KAZN: variants seen among roughly 807,000 people sequenced by gnomAD.
KAZN encodes the protein kazrin, periplakin interacting protein, also known as kazrin.
Under a neutral mutation model 87.4 loss-of-function variants are expected in KAZN, and 40 were observed. The observed-to-expected ratio is 0.46, with a 90% confidence interval of 0.36 to 0.60. KAZN has a LOEUF of 0.60. KAZN is among the 20% of genes least tolerant of loss of function. The pLI, the probability that KAZN is intolerant of heterozygous loss-of-function variation, is 0.00. For missense variants in KAZN, 898 were observed against 1,073.9 expected, an observed-to-expected ratio of 0.84 and a Z score of 2.29; for synonymous variants, 466 against 458.3, an observed-to-expected ratio of 1.02 and a Z score of -0.22.
intron 2 of KAZN, among the ~76,000 whole-genome samples, chr1:14,223,583 AT>A (rs1647160477): frequency 6.6e-6 from 1 of 152,032 alleles, no homozygotes; most frequent in African/African-American, 2.4e-5. Flanking sequence ...CTTCTTCCTT[AT>A]GTTCTTTAGT....
chr1:14,116,253 T>G (rs1644615002), intron 1 of KAZN, among the ~76,000 whole-genome samples: 2 of 152,118 alleles, frequency 1.3e-5, no homozygotes, highest in Non-Finnish European at 2.9e-5. Context: ...TTCAAGGCAG[T>G]CTCTCCCATC....
chr1:14,164,714 A>T (rs1429718641), intron 1 of KAZN, among the ~76,000 whole-genome samples: 14 of 151,758 alleles, frequency 9.2e-5, no homozygotes, highest in Non-Finnish European at 1.5e-5. Flanking sequence ...CTCATTTTGT[A>T]CTTTTAGTAC....
intron 2 of KAZN, among the ~76,000 whole-genome samples, chr1:14,370,919 A>G (rs374989416): frequency 2.7e-4 from 41 of 152,260 alleles, no homozygotes; most frequent in African/African-American, 9.1e-4. Flanking sequence ...TCCTGGGCTC[A>G]AGCAATCCAC....
At chr1:14,912,445 G>T (rs1264838342) in intron 1 of KAZN, among the ~76,000 whole-genome samples, 1 of 152,154 alleles carries the variant, frequency 6.6e-6, no homozygotes, top group African/African-American at 2.4e-5. Context: ...GAGAGGATAC[G>T]CTGTCACCAT....
intron 1 of KAZN, among the ~76,000 whole-genome samples, chr1:14,766,864 C>G (rs560854491): frequency 1.3e-5 from 2 of 152,062 alleles, no homozygotes; most frequent in East Asian, 1.9e-4. Context: ...CTCTCCCATG[C>G]GTTCACATAC....
At chr1:14,513,157 A>G (rs777338969) in intron 2 of KAZN, among the ~76,000 whole-genome samples, 3 of 152,118 alleles carry the variant, frequency 2.0e-5, no homozygotes, top group South Asian at 2.1e-4. Context: ...TTTCCTTAGA[A>G]TCATGTCCAA....
intron 2 of KAZN, among the ~76,000 whole-genome samples, chr1:14,449,582 G>A (rs950087181): frequency 2.6e-5 from 4 of 152,194 alleles, no homozygotes; most frequent in African/African-American, 9.7e-5. Context: ...AATTTTTCGG[G>A]AGGAGAGAGT....
At chr1:14,613,232 G>T (rs1402982209) in intron 1 of KAZN, among the ~76,000 whole-genome samples, 2 of 152,170 alleles carry the variant, frequency 1.3e-5, no homozygotes, top group African/African-American at 2.4e-5. Context: ...CAAAGGGAAG[G>T]GTACAGACTG....
chr1:14,962,398 G>A (rs1157164863), intron 2 of KAZN, among the ~76,000 whole-genome samples: 1 of 152,200 alleles, frequency 6.6e-6, no homozygotes, highest in African/African-American at 2.4e-5. Flanking sequence ...ACATTGGGGT[G>A]CATTGTGGCC....
In KAZN at chr1:14,871,649, A is replaced by AGTGTGTGTGTGTGTGT. The variant is rs3033520; in HGVS notation, c.227-89017_227-89002dup. Among the ~76,000 whole-genome samples the AGTGTGTGTGTGTGTGT allele has an allele frequency of 1.6e-3, 225 of 144,648 alleles. 1 individual carries two copies. Among genetic ancestry groups the AGTGTGTGTGTGTGTGT allele is most frequent in the East Asian group, 7.1e-3 (33 of 4,672 alleles). 94.9% of individuals were successfully genotyped at this position (144,648 alleles called of 152,430 possible). On this transcript the variant is annotated intron_variant, in intron 1 of 14. Transcript: ENST00000376030. ...AGCCTGAGACATCTACATGAGCAGC[A>AGTGTGTGTGTGTGTGT]GTGTGTGTGTGTGTGTGTGTGTGTG...
Position 14,121,506 on chromosome 1 carries a change from A to G in KAZN, c.92-58929A>G, listed in dbSNP as rs187214561. On this transcript the variant is annotated intron_variant, in intron 1 of 16. Transcript: ENST00000636203. The stretch of plus-strand genomic sequence containing the variant: ...TTGGAAGAACCCAGATTCAAATGCA[A>G]GCAATCTGGATCATGAATCCAAGCT... Among the ~76,000 whole-genome samples, 21 of 152,322 alleles carry G rather than the reference A, an allele frequency of 1.4e-4. No homozygotes were observed. The South Asian group carries it at 2.7e-3, about 20-fold the overall frequency.
chr1:14,888,116 G>C (rs931343390), intron 1 of KAZN, among the ~76,000 whole-genome samples: 1 of 152,082 alleles, frequency 6.6e-6, no homozygotes, highest in African/African-American at 2.4e-5. Context: ...TCAAGCAATC[G>C]GGACATTCCT....
intron 2 of KAZN, among the ~76,000 whole-genome samples, chr1:14,330,704 A>T (rs16853966): frequency 0.03 from 4,598 of 152,188 alleles, 251 homozygotes; most frequent in African/African-American, 0.11. Flanking sequence ...GTCATCACGG[A>T]CTTTCAGAAG....
intron 1 of KAZN, among the ~76,000 whole-genome samples, chr1:14,845,023 G>A (rs114359202): frequency 0.011 from 1,691 of 152,108 alleles, 36 homozygotes; most frequent in African/African-American, 0.039. Flanking sequence ...TAGATGGATG[G>A]GTGAGTAGTT....
At chr1:14,699,305 C>T (rs1029923655) in intron 1 of KAZN, among the ~76,000 whole-genome samples, 3 of 152,238 alleles carry the variant, frequency 2.0e-5, no homozygotes, top group African/African-American at 7.2e-5. Flanking sequence ...CTCTTGGACT[C>T]CATGCCTGGA....
chr1:14,406,954 G>T (rs566893654), intron 2 of KAZN, among the ~76,000 whole-genome samples: 7 of 152,190 alleles, frequency 4.6e-5, no homozygotes, highest in Non-Finnish European at 7.3e-5. Context: ...CAGAAGAGCT[G>T]AGACTTAGCA....
chr1:14,353,040 C>T (rs1658680091), intron 2 of KAZN, among the ~76,000 whole-genome samples: 1 of 152,110 alleles, frequency 6.6e-6, no homozygotes, highest in Admixed American at 6.5e-5. Flanking sequence ...TAAAGAGCAT[C>T]TACAGTAATC....
chr1:14,847,978 T>TCAAAAA (rs529670829), intron 1 of KAZN, among the ~76,000 whole-genome samples: 1 of 152,134 alleles, frequency 6.6e-6, no homozygotes, highest in Admixed American at 6.5e-5. Flanking sequence ...AGATTCTGTC[T>TCAAAAA]CAAAAACAAA....
chr1:14,536,944 C>T (rs941508705), intron 2 of KAZN, among the ~76,000 whole-genome samples: 11 of 152,094 alleles, frequency 7.2e-5, no homozygotes, highest in Admixed American at 2.6e-4. Flanking sequence ...TTCTCTCTTC[C>T]TTCCAGTCTC....
Sources: gnomAD v4.1 joint callset for allele counts (sites outside exome capture counted in the v4.1 genomes callset) on GRCh38, gnomAD v4.1.1 for gene constraint, MANE v1.5 for transcripts, NCBI Gene and HGNC (gene_info 2026-07-23, HGNC 2026-07-21) for gene names.